Variants in ERC2 observed in about 807,000 individuals in gnomAD.
The protein encoded by ERC2 is ELKS/RAB6-interacting/CAST family member 2, also known as ERC protein 2.
A neutral mutation model predicts 114.8 loss-of-function variants in ERC2; 42 were observed. The ratio of observed to expected loss-of-function variants is 0.37; its 90% CI spans 0.29 to 0.47. The LOEUF (loss-of-function observed/expected upper bound fraction) is 0.47, where lower values mean the gene tolerates loss of function less well. Ranked by LOEUF, ERC2 falls within the 20% of genes least tolerant of loss-of-function variation. The probability of loss-of-function intolerance (pLI) is 0.99; values close to 1 mark genes in which losing one functional copy is unlikely to be tolerated. For missense variants in ERC2, 939 were observed against 1,150.7 expected (o/e 0.82, Z 2.66); for synonymous variants, 454 against 425.5 (o/e 1.07, Z -0.82).
At chr3:56,256,238 T>C (rs2052509178) in intron 3 of ERC2, among the ~76,000 whole-genome samples, 1 of 152,226 alleles carries the variant, frequency 6.6e-6, no homozygotes, top group African/African-American at 2.4e-5. Context: ...GTACTTACCA[T>C]GAATGAAAAT....
At chr3:56,396,532 G>T (rs1036141690) in intron 2 of ERC2, among the ~76,000 whole-genome samples, 2 of 152,156 alleles carry the variant, frequency 1.3e-5, no homozygotes, top group African/African-American at 2.4e-5. Context: ...AACAAAAAAG[G>T]CAAGTTAGGA....
At chr3:55,922,496 G>A (rs1333974709) in intron 13 of ERC2, among the ~76,000 whole-genome samples, 1 of 151,972 alleles carries the variant, frequency 6.6e-6, no homozygotes, top group African/African-American at 2.4e-5. Context: ...AAGAAAAGAT[G>A]CCAGTAGAAA....
intron 17 of ERC2, among the ~76,000 whole-genome samples, chr3:55,582,930 C>T (rs1028324370): frequency 1.3e-5 from 2 of 152,156 alleles, no homozygotes; most frequent in Admixed American, 6.5e-5. Flanking sequence ...ACAATTCTTG[C>T]CAGATAAGTG....
At chr3:55,770,212 C>T (rs950947384) in intron 14 of ERC2, among the ~76,000 whole-genome samples, 2 of 152,148 alleles carry the variant, frequency 1.3e-5, no homozygotes, top group East Asian at 1.9e-4. Flanking sequence ...CAAGCACAGA[C>T]CCCAGTGACC....
intron 17 of ERC2, among the ~76,000 whole-genome samples, chr3:55,635,792 T>C (rs559916184): frequency 6.6e-6 from 1 of 152,220 alleles, no homozygotes; most frequent in South Asian, 2.1e-4. Context: ...CCCAAATAAG[T>C]GGCAACTTCA....
intron 14 of ERC2, among the ~76,000 whole-genome samples, chr3:55,791,309 T>C (rs1415500363): frequency 6.6e-6 from 1 of 152,136 alleles, no homozygotes; most frequent in African/African-American, 2.4e-5. Flanking sequence ...AGAAAGTAAG[T>C]TTTTAAAAGT....
intron 17 of ERC2, among the ~76,000 whole-genome samples, chr3:55,618,004 T>C (rs2148587992): frequency 6.6e-6 from 1 of 151,996 alleles, no homozygotes. Flanking sequence ...AGATAGAGCA[T>C]TATACTGACA....
intron 2 of ERC2, among the ~76,000 whole-genome samples, chr3:56,318,904 G>A (rs1198278715): frequency 6.8e-6 from 1 of 147,630 alleles, no homozygotes; most frequent in African/African-American, 2.5e-5. Context: ...CAAGGCTTCA[G>A]TGAGTTGTGA....
intron 17 of ERC2, among the ~76,000 whole-genome samples, chr3:55,600,851 C>A (rs143992233): frequency 2.6e-5 from 4 of 152,348 alleles, no homozygotes; most frequent in Non-Finnish European, 4.4e-5. Context: ...TGGGCAAGTA[C>A]CCACGTGGTT....
intron 3 of ERC2, among the ~76,000 whole-genome samples, chr3:56,242,425 A>G (rs1357350904): frequency 6.6e-6 from 1 of 152,168 alleles, no homozygotes; most frequent in Non-Finnish European, 1.5e-5. Flanking sequence ...ACTTATCCAT[A>G]TAACCAAAAA....
intron 14 of ERC2, among the ~76,000 whole-genome samples, chr3:55,741,702 C>G (rs1220165041): frequency 6.6e-6 from 1 of 152,010 alleles, no homozygotes; most frequent in African/African-American, 2.4e-5. Flanking sequence ...CCTCAAGTAC[C>G]AATTACTAAG....
intron 13 of ERC2, among the ~76,000 whole-genome samples, chr3:55,921,558 G>T (rs145346702): frequency 1.4e-3 from 214 of 152,204 alleles, no homozygotes; most frequent in African/African-American, 4.5e-3. Context: ...TTTAAAAAAT[G>T]AGATGCTGAG....
intron 3 of ERC2, among the ~76,000 whole-genome samples, chr3:56,273,939 C>T (rs2053825763): frequency 6.6e-6 from 1 of 152,220 alleles, no homozygotes; most frequent in Non-Finnish European, 1.5e-5. Context: ...CAATTCTGTA[C>T]ACTGACTCTA....
At chr3:55,906,115 A>T (rs1259827041) in intron 13 of ERC2, among the ~76,000 whole-genome samples, 1 of 152,152 alleles carries the variant, frequency 6.6e-6, no homozygotes, top group Non-Finnish European at 1.5e-5. Context: ...CTTAGTAAGT[A>T]CTCACCTGAC....
intron 7 of ERC2, among the ~76,000 whole-genome samples, chr3:56,035,817 T>C (rs2074757719): frequency 6.6e-6 from 1 of 152,224 alleles, no homozygotes; most frequent in East Asian, 1.9e-4. Flanking sequence ...TATGTTGTTA[T>C]AGCAGCATGA....
intron 17 of ERC2, among the ~76,000 whole-genome samples, chr3:55,592,050 T>C (rs2057917167): frequency 1.3e-5 from 2 of 152,174 alleles, no homozygotes; most frequent in South Asian, 4.1e-4. Flanking sequence ...CTGGGGCTGT[T>C]TCAGTGTGTA....
In ERC2 at chr3:55,514,953, T is replaced by C. The variant is rs147477418; in HGVS notation, c.*40-3677A>G. Among the ~76,000 whole-genome samples the C allele has an allele frequency of 6.0e-3, 911 of 152,308 alleles. 9 individuals are homozygous for C. Among genetic ancestry groups the C allele is most frequent in the African/African-American group, 0.021 (878 of 41,566 alleles). On this transcript the variant is annotated intron_variant, in intron 17 of 17. Coordinates refer to ENST00000288221, the MANE Select transcript of ERC2 (RefSeq NM_015576.3). ...TGCAGCACCACGCTGGGTCAGGCAG[T>C]GTGCTTGATGCCAGGAATATAATAG...
At chr3:56,041,110 C>T (rs1427402869) in intron 7 of ERC2, among the ~76,000 whole-genome samples, 1 of 151,910 alleles carries the variant, frequency 6.6e-6, no homozygotes, top group Non-Finnish European at 1.5e-5. Flanking sequence ...TCTTGTATGA[C>T]AGGTTTCTTG....
chr3:56,219,860 A>G (rs1412974184), intron 3 of ERC2, among the ~76,000 whole-genome samples: 2 of 152,058 alleles, frequency 1.3e-5, no homozygotes, highest in Non-Finnish European at 2.9e-5. Flanking sequence ...TACTCCTGAT[A>G]AGTTTGGGCA....
Sources: gnomAD v4.1 joint callset for allele counts (sites outside exome capture counted in the v4.1 genomes callset) on GRCh38, gnomAD v4.1.1 for gene constraint, MANE v1.5 for transcripts, NCBI Gene and HGNC (gene_info 2026-07-23, HGNC 2026-07-21) for gene names.